Variants in DLGAP1 observed in about 807,000 individuals in gnomAD.
DLGAP1 encodes the protein DLG associated protein 1.
In DLGAP1, 11 loss-of-function variants were observed where a neutral mutation model predicts 90.8. That is an observed-to-expected ratio of 0.12 (90% CI 0.08 to 0.20). The LOEUF is 0.20. Ranked by LOEUF, DLGAP1 falls within the 10% of genes least tolerant of loss-of-function variation. DLGAP1 has a pLI of 1.00. For missense variants in DLGAP1, 1,050 were observed against 1,333.8 expected, an observed-to-expected ratio of 0.79 and a Z score of 3.31; for synonymous variants, 558 against 540.7, an observed-to-expected ratio of 1.03 and a Z score of -0.44.
At chr18:3,705,178 C>T (rs374307841) in intron 7 of DLGAP1, among the ~76,000 whole-genome samples, 5 of 152,138 alleles carry the variant, frequency 3.3e-5, no homozygotes, top group South Asian at 2.1e-4. Context: ...TTGAGTCAAA[C>T]GAATTTTGTT....
intron 1 of DLGAP1, among the ~76,000 whole-genome samples, chr18:4,361,618 G>C (rs2081631123): frequency 6.6e-6 from 1 of 152,114 alleles, no homozygotes; most frequent in Non-Finnish European, 1.5e-5. Flanking sequence ...ATGGATCAAA[G>C]ATGTAAATGT....
At chr18:4,352,155 C>T (rs185529449) in intron 1 of DLGAP1, among the ~76,000 whole-genome samples, 110 of 152,340 alleles carry the variant, frequency 7.2e-4, no homozygotes, top group African/African-American at 2.5e-3. Context: ...TTTCTGTCTC[C>T]TGCCAGTTTT....
At chr18:3,786,056 G>C (rs979796620) in intron 5 of DLGAP1, among the ~76,000 whole-genome samples, 6 of 152,188 alleles carry the variant, frequency 3.9e-5, no homozygotes, top group Middle Eastern at 3.4e-3. Context: ...TGCTTCTGCT[G>C]TCATCTCCTC....
chr18:3,710,709 T>C (rs1234277958), intron 7 of DLGAP1, among the ~76,000 whole-genome samples: 1 of 152,168 alleles, frequency 6.6e-6, no homozygotes, highest in Non-Finnish European at 1.5e-5. Context: ...TGGCAGTAAG[T>C]GTCATGAAGA....
chr18:4,062,311 T>C (rs1397226126), intron 2 of DLGAP1, among the ~76,000 whole-genome samples: 2 of 152,196 alleles, frequency 1.3e-5, no homozygotes, highest in Non-Finnish European at 2.9e-5. Context: ...TGGCATGCTT[T>C]CCTTTAAGCA....
At chr18:3,749,710 C>T (rs1189230468) in intron 5 of DLGAP1, among the ~76,000 whole-genome samples, 6 of 152,256 alleles carry the variant, frequency 3.9e-5, no homozygotes, top group East Asian at 1.9e-4. Context: ...AACTACTGTA[C>T]ATTTCTATCC....
At chr18:3,769,133 A>T (rs2064394413) in intron 5 of DLGAP1, among the ~76,000 whole-genome samples, 2 of 152,156 alleles carry the variant, frequency 1.3e-5, no homozygotes, top group Admixed American at 1.3e-4. Flanking sequence ...TCACAGATAA[A>T]CCCAGGAGAA....
At chr18:4,115,370 G>T (rs2076043919) in intron 2 of DLGAP1, among the ~76,000 whole-genome samples, 1 of 150,852 alleles carries the variant, frequency 6.6e-6, no homozygotes, top group African/African-American at 2.4e-5. Context: ...AGAAAAGAAA[G>T]AAGAGGAAGT....
At chr18:3,792,235 CT>C (rs994955094) in intron 5 of DLGAP1, among the ~76,000 whole-genome samples, 1 of 152,122 alleles carries the variant, frequency 6.6e-6, no homozygotes, top group Non-Finnish European at 1.5e-5. Flanking sequence ...AATCCCATCA[CT>C]TTGGGAGGCT....
At chr18:3,906,166 T>C (rs2071901946) in intron 3 of DLGAP1, among the ~76,000 whole-genome samples, 1 of 152,238 alleles carries the variant, frequency 6.6e-6, no homozygotes, top group Non-Finnish European at 1.5e-5. Flanking sequence ...TCCATCTTTA[T>C]AGTAGAAAAG....
intron 7 of DLGAP1, among the ~76,000 whole-genome samples, chr18:3,585,995 G>A (rs957001338): frequency 6.6e-6 from 1 of 152,178 alleles, no homozygotes; most frequent in African/African-American, 2.4e-5. Flanking sequence ...CAGGCCAACT[G>A]CAATTGGACG....
At chr18:4,165,814 A>C (rs2076923861) in intron 1 of DLGAP1, among the ~76,000 whole-genome samples, 1 of 152,196 alleles carries the variant, frequency 6.6e-6, no homozygotes, top group South Asian at 2.1e-4. Context: ...CATTATAGAG[A>C]AAATATTTGC....
At chr18:3,741,676 A>G (rs2063052627) in intron 6 of DLGAP1, among the ~76,000 whole-genome samples, 1 of 152,188 alleles carries the variant, frequency 6.6e-6, no homozygotes, top group African/African-American at 2.4e-5. Context: ...ACCATCAGTA[A>G]CATTAATTCT....
intron 11 of DLGAP1, among the ~76,000 whole-genome samples, chr18:3,503,822 G>T (rs580857): frequency 3.9e-5 from 6 of 152,150 alleles, no homozygotes; most frequent in Non-Finnish European, 8.8e-5. Flanking sequence ...AAGTCTGGGC[G>T]TGGTGGCTCA....
chr18:3,674,726 C>T (rs777624235), intron 7 of DLGAP1, among the ~76,000 whole-genome samples: 33 of 152,064 alleles, frequency 2.2e-4, no homozygotes, highest in Non-Finnish European at 4.0e-4. Context: ...CCACTGTCAT[C>T]ACCTATACCA....
rs2080262347 is a variant in DLGAP1, at chr18:4,306,444, T to A, written c.-267+148562A>T. ...AAGTAAGAGTGTGTGTGTGTGTGTG[T>A]GTGTGTGTGTGTGTGTGTGAGAGAG... is the stretch of plus-strand genomic sequence containing the variant. On this transcript the variant is annotated intron_variant, in intron 1 of 12. Transcript: ENST00000315677. Among the ~76,000 whole-genome samples the A allele has an allele frequency of 4.8e-5, 6 of 124,190 alleles. No homozygotes were observed. In the South Asian group the frequency reaches 1.4e-3, roughly 29 times the overall value. 81.5% of individuals were successfully genotyped at this position (124,190 alleles called of 152,430 possible). A position where few individuals can be genotyped will look rare whatever the true frequency, so the allele number is the denominator to read the frequency against.
At chr18:3,861,178 C>CA (rs921584557) in intron 4 of DLGAP1, among the ~76,000 whole-genome samples, 1 of 152,088 alleles carries the variant, frequency 6.6e-6, no homozygotes, top group African/African-American at 2.4e-5. Context: ...AACTCCTTTA[C>CA]AAAAAATCCT....
chr18:3,869,977 C>G (rs1387631717), intron 4 of DLGAP1, among the ~76,000 whole-genome samples: 1 of 152,136 alleles, frequency 6.6e-6, no homozygotes. Flanking sequence ...CTAAGTAGAG[C>G]CCAAAGTCAT....
At position 4,435,898 on chromosome 18, in the gene DLGAP1, G is replaced by A. The variant is rs1313961345; in HGVS notation, c.-267+19108C>T. Among the ~76,000 whole-genome samples, 6 of 152,302 alleles carry A rather than the reference G, an allele frequency of 3.9e-5. No individual in the cohort carries two copies. In the South Asian group the frequency reaches 6.2e-4, roughly 16 times the overall value. ...AGAGGACAGGCTGTAAATGCACAGA[G>A]AGCTGAGGCGGGCTTAGGGACTCAA... On this transcript the variant is annotated intron_variant, in intron 1 of 12. Transcript: ENST00000315677.
Sources: allele counts gnomAD v4.1 joint callset (sites outside exome capture counted in the v4.1 genomes callset), GRCh38; gene constraint gnomAD v4.1.1; transcripts MANE v1.5; gene names NCBI Gene and HGNC (gene_info 2026-07-23, HGNC 2026-07-21).